The following CST1 variants were observed in gnomAD, a reference collection of about 807,000 sequenced individuals.
The protein encoded by CST1 is cystatin-SN.
Under a neutral mutation model 10.7 loss-of-function variants are expected in CST1, and 19 were observed. That is an observed-to-expected ratio of 1.78 (90% CI 1.24 to 2.61). The LOEUF (loss-of-function observed/expected upper bound fraction) is 2.61, where lower values mean the gene tolerates loss of function less well. Ranked by LOEUF, CST1 falls within the 30% of genes most tolerant of loss-of-function variation. The pLI is 0.00. For missense variants in CST1, 247 were observed against 178.1 expected (o/e 1.39, Z -2.20); for synonymous variants, 95 against 72.8 (o/e 1.31, Z -1.55).
At chr20:23,750,578 TG>T in intron 1 of CST1, 60 bp downstream of exon 1, 1 of 1,446,362 alleles carries the variant, frequency 6.9e-7, no homozygotes, top group Non-Finnish European at 9.7e-7. Flanking sequence ...GGAATGCTCT[TG>T]GGGGTTGGGG....
chr20:23,748,047 C>CAG lies in CST1; in HGVS notation c.343-149_343-148insCT. 7.5e-6 allele frequency: 6 copies of CAG among 794,938 alleles called. No individual in the cohort carries two copies. The Middle Eastern group carries it at 6.9e-4, about 92-fold the overall frequency. The allele number at this position is 794,938 out of a possible 1,614,324, so 49.2% of individuals were successfully genotyped here. A position where few individuals can be genotyped will look rare whatever the true frequency, so the allele number is the denominator to read the frequency against. Reference sequence around the variant, plus strand: ...CCCTACTGAGTCCCAGAGTGCTGAACTAGAATGAATAGTGACTGTTCCATT... The same window carrying CAG: ...CCCTACTGAGTCCCAGAGTGCTGAACAGTAGAATGAATAGTGACTGTTCCATT... On this transcript the variant is annotated intron_variant, in intron 2 of 2. Coordinates refer to ENST00000304749, the MANE Select transcript of CST1 (RefSeq NM_001898.3).
intron 2 of CST1, 48 bp downstream of exon 2, chr20:23,748,968 A>G: frequency 1.9e-6 from 3 of 1,607,282 alleles, no homozygotes; most frequent in South Asian, 2.2e-5. Flanking sequence ...ACACATACGC[A>G]CCCCTCTGCA....
chr20:23,748,993 C>T (rs112974717), intron 2 of CST1, 23 bp downstream of exon 2: 35 of 1,613,942 alleles, frequency 2.2e-5, no homozygotes, highest in Admixed American at 2.0e-4. Flanking sequence ...ATGACTGGCC[C>T]GGGACCTGCA....
At chr20:23,748,623 C>G (rs1286569393) in intron 2 of CST1, among the ~76,000 whole-genome samples, 3 of 152,080 alleles carry the variant, frequency 2.0e-5, no homozygotes, top group East Asian at 1.9e-4. Context: ...CAACCTAAAG[C>G]CTTCCTAGCA....
At chr20:23,748,272 G>A (rs886415665) in intron 2 of CST1, among the ~76,000 whole-genome samples, 2 of 152,126 alleles carry the variant, frequency 1.3e-5, no homozygotes, top group Non-Finnish European at 2.9e-5. Flanking sequence ...GGGGCCAGAG[G>A]GAAGAACCCA....
chr20:23,749,186 T>C, intron 1 of CST1, 57 bp from the exon 2 acceptor site: 11 of 1,527,932 alleles, frequency 7.2e-6, no homozygotes, highest in Non-Finnish European at 1.0e-5. Flanking sequence ...TCACAGGCAC[T>C]TCACTGTGGC....
intron 1 of CST1, 52 bp from the exon 2 acceptor site, chr20:23,749,181 G>A (rs1418242861): frequency 6.4e-7 from 1 of 1,569,692 alleles, no homozygotes; most frequent in South Asian, 1.1e-5. Flanking sequence ...TGCACTCACA[G>A]GCACTTCACT....
rs768428419 is a variant in CST1, at chr20:23,749,118, C to G, written c.240G>C (p.Gly80=). 68 of 1,613,772 alleles carry G rather than the reference C, an allele frequency of 4.2e-5. No homozygotes were observed. The highest frequency in any genetic ancestry group is 5.6e-5 in the Non-Finnish European group (66 of 1,179,830). ...VLRARQQTVG[G]VNYFFDVEVG... is the part of the protein sequence containing the mutation. The stretch of plus-strand genomic sequence containing the variant: ...CCTCTACGTCGAAGAAGTAATTCAC[C>G]CCCCCAACGGTCTGCACACAGGAGA... The change falls in exon 2 of 3, where the codon GGG becomes GGC. Residue 80 remains glycine, a synonymous_variant. Coordinates refer to ENST00000304749, the MANE Select transcript of CST1 (RefSeq NM_001898.3).
intron 2 of CST1, among the ~76,000 whole-genome samples, chr20:23,748,119 C>G (rs545652181): frequency 3.7e-4 from 57 of 152,270 alleles, no homozygotes; most frequent in African/African-American, 1.2e-3. Context: ...GGACCCCACC[C>G]CAGCCTGCAG....
Position 23,747,668 on chromosome 20 carries a change from A to G in CST1, c.*148T>C, listed in dbSNP as rs929480737. 1.4e-6 allele frequency: 1 copy of G among 701,572 alleles called. No homozygotes were observed. Among genetic ancestry groups the G allele is most frequent in the African/African-American group, 1.8e-5 (1 of 55,952 alleles). 43.5% of individuals were successfully genotyped at this position (701,572 alleles called of 1,614,324 possible). ...AGGGCAGAGCGCCCTGCTGAGCAAC[A>G]AAGGACTCCTGCAGCCTTCTCTGTC... On this transcript the variant is annotated 3_prime_UTR_variant, in exon 3 of 3. Coordinates refer to ENST00000304749, the MANE Select transcript of CST1 (RefSeq NM_001898.3).
rs201801623 is a variant in CST1 at position 23,750,622 on chromosome 20, G to A, written c.228+17C>T. 3 of 1,612,716 alleles carry A rather than the reference G, an allele frequency of 1.9e-6. No homozygotes were observed. The highest frequency in any genetic ancestry group is 2.5e-6 in the Non-Finnish European group (3 of 1,179,104). On this transcript the variant is annotated intron_variant, in intron 1 of 2. Transcript: ENST00000304749. ...CAGGCTGGGACCCAGGACCCCTGGG[G>A]TGGAGGGAGCACCTACCTGTTGCCT...
rs142475489 is a variant in CST1 at position 23,750,033 on chromosome 20, G to A, written c.228+606C>T. Reference sequence around the variant, plus strand: ...AGCTGGGCCCAGTTGCCCTGCTGAAGCTCCCTCCCGACCTGACCCCTCCTC... The same window carrying A: ...AGCTGGGCCCAGTTGCCCTGCTGAAACTCCCTCCCGACCTGACCCCTCCTC... On this transcript the variant is annotated intron_variant, in intron 1 of 2. Coordinates refer to ENST00000304749, the MANE Select transcript of CST1 (RefSeq NM_001898.3). 5.1e-3 allele frequency among the ~76,000 whole-genome samples: 773 copies of A among 151,900 alleles called. 7 individuals are homozygous for A. The highest frequency in any genetic ancestry group is 0.018 in the African/African-American group (729 of 41,364).
At chr20:23,750,524 G>C (rs909847326) in intron 1 of CST1, 115 bp downstream of exon 1, 4 of 976,182 alleles carry the variant, frequency 4.1e-6, no homozygotes, top group Non-Finnish European at 6.3e-6. Flanking sequence ...AAAGCTGAAT[G>C]AATCTGAGCA....
chr20:23,748,599 A>G (rs1214796427), intron 2 of CST1, among the ~76,000 whole-genome samples: 1 of 152,084 alleles, frequency 6.6e-6, no homozygotes, highest in East Asian at 1.9e-4. Context: ...AATTGACCTT[A>G]TAGTAACCAT....
In CST1 at chr20:23,750,805, C is replaced by G. The variant is rs540721922; in HGVS notation, c.62G>C (p.Trp21Ser). ...TATCCTATCCTCCTCCTTGGGGCTC[C>G]AGGCCAGGGCCACAGCTAGGGTGGC... Reference protein sequence around the residue: ...LLATLAVALAWSPKEEDRIIP... With the variant: ...LLATLAVALASSPKEEDRIIP... The change falls in exon 1 of 3, where the codon TGG (tryptophan) becomes TCG (serine). Residue 21 changes from tryptophan (W) to serine (S), a missense_variant. By Grantham distance (177) the Trp-to-Ser change is radical. Transcript: ENST00000304749. 3.1e-6 allele frequency: 5 copies of G among 1,614,104 alleles called. No individual in the cohort carries two copies. Among genetic ancestry groups the G allele is most frequent in the Non-Finnish European group, 4.2e-6 (5 of 1,179,996 alleles).
chr20:23,749,387 C>T (rs148178833), intron 1 of CST1, among the ~76,000 whole-genome samples: 2 of 152,352 alleles, frequency 1.3e-5, no homozygotes, highest in African/African-American at 4.8e-5. Context: ...GGAACACTGA[C>T]TCTTTTCTAG....
intron 1 of CST1, 141 bp downstream of exon 1, chr20:23,750,498 C>A (rs534985671): frequency 2.5e-6 from 2 of 804,634 alleles, no homozygotes; most frequent in Non-Finnish European, 4.0e-6. Flanking sequence ...TGAAGGGCAT[C>A]AGCGGAGAGC....
rs1226104767 is a variant in CST1 at position 23,750,641 on chromosome 20, G to A, written c.226C>T (p.Gln76Ter). 1.2e-6 allele frequency: 2 copies of A among 1,613,750 alleles called. No individual in the cohort carries two copies. The highest frequency in any genetic ancestry group is 1.7e-4 in the Middle Eastern group (1 of 5,754). ...CCTGGGGTGGAGGGAGCACCTACCT[G>A]TTGCCTGGCTCTTAGTACCCGCAGC... is the stretch of plus-strand genomic sequence containing the variant. ...RPLRVLRARQ[Q>*]TVGGVNYFFD... The change falls in exon 1 of 3, where the codon CAG becomes TAG. Residue 76 changes from glutamine to a stop codon, truncating the protein, a stop_gained and splice_region_variant. Coordinates refer to ENST00000304749, the MANE Select transcript of CST1 (RefSeq NM_001898.3). LOFTEE classifies it high-confidence loss of function.
chr20:23,750,121 C>T lies in CST1; in HGVS notation c.228+518G>A, dbSNP rs1263608454. On this transcript the variant is annotated intron_variant, in intron 1 of 2. Transcript: ENST00000304749. Reference sequence around the variant, plus strand: ...GTCTAACTGCATCAGCTGGTAGAGGCAGGGTCAGGCATGCTCCACCCCAGC... The same window carrying T: ...GTCTAACTGCATCAGCTGGTAGAGGTAGGGTCAGGCATGCTCCACCCCAGC... Among the ~76,000 whole-genome samples the T allele has an allele frequency of 2.0e-5, 3 of 152,020 alleles. No individual in the cohort carries two copies. In the East Asian group the frequency reaches 5.8e-4, roughly 29 times the overall value.
Sources: gnomAD v4.1 joint callset for allele counts (sites outside exome capture counted in the v4.1 genomes callset) on GRCh38, gnomAD v4.1.1 for gene constraint, MANE v1.5 for transcripts, NCBI Gene and HGNC (gene_info 2026-07-23, HGNC 2026-07-21) for gene names.